Variants in SGMS1 observed in about 807,000 individuals in gnomAD.
The protein encoded by SGMS1 is sphingomyelin synthase 1.
SGMS1 carries 13 observed loss-of-function variants against 46.2 expected under a neutral mutation model. The observed-to-expected ratio is 0.28, with a 90% CI of 0.18 to 0.45. SGMS1 has a LOEUF of 0.45. Ranked by LOEUF, SGMS1 falls within the 20% of genes least tolerant of loss-of-function variation. SGMS1 has a pLI of 1.00. For missense variants in SGMS1, 324 were observed against 519.9 expected (o/e 0.62, Z 3.66); for synonymous variants, 203 against 187.8 (o/e 1.08, Z -0.66).
intron 6 of SGMS1, among the ~76,000 whole-genome samples, chr10:50,431,008 C>T (rs1010189973): frequency 1.3e-5 from 2 of 152,028 alleles, no homozygotes; most frequent in Non-Finnish European, 2.9e-5. Flanking sequence ...ATCTTCTATA[C>T]AAGGGATGTT....
intron 3 of SGMS1, among the ~76,000 whole-genome samples, chr10:50,499,981 A>G (rs2983370): frequency 0.16 from 24,117 of 152,250 alleles, 2,492 homozygotes; most frequent in Non-Finnish European, 0.23. Flanking sequence ...AGCCTGACCA[A>G]CATGGTGAAA....
chr10:50,311,522 T>C (rs58601331), intron 8 of SGMS1, 107 bp from the exon 9 acceptor site: 2 of 879,164 alleles, frequency 2.3e-6, no homozygotes, highest in African/African-American at 2.1e-5. Flanking sequence ...TTAAGAAACA[T>C]AAAATCCCCA....
At chr10:50,386,859 G>C (rs1331487946) in intron 6 of SGMS1, among the ~76,000 whole-genome samples, 6 of 152,168 alleles carry the variant, frequency 3.9e-5, no homozygotes, top group Non-Finnish European at 8.8e-5. Flanking sequence ...CGTACTGAAA[G>C]CCTACTATGA....
At chr10:50,535,367 C>T (rs1296343532) in intron 2 of SGMS1, among the ~76,000 whole-genome samples, 2 of 151,846 alleles carry the variant, frequency 1.3e-5, no homozygotes, top group African/African-American at 2.4e-5. Context: ...TTAAAGCAAG[C>T]TTATTTTTTT....
rs760688384 is a variant in SGMS1 at position 50,587,633 on chromosome 10, A to ATATGTGTGTGTGTGTGTG, written c.-589+2519_-589+2520insCACACACACACACACATA. On this transcript the variant is annotated intron_variant, in intron 2 of 10. Coordinates refer to ENST00000361781, the MANE Select transcript of SGMS1 (RefSeq NM_147156.4). ...AGCAAGACTGCATCTCAAAATATATATGTGTGTGTGTGTGTGTGTGTGTGT... is the reference window on the plus strand; with the variant it reads ...AGCAAGACTGCATCTCAAAATATATATATGTGTGTGTGTGTGTGTGTGTGTGTGTGTGTGTGTGTGTGT... Among the ~76,000 whole-genome samples the ATATGTGTGTGTGTGTGTG allele has an allele frequency of 6.4e-4, 88 of 138,252 alleles. 1 individual carries two copies. Among genetic ancestry groups the ATATGTGTGTGTGTGTGTG allele is most frequent in the South Asian group, 1.2e-3 (5 of 4,180 alleles). 90.7% of individuals were successfully genotyped at this position (138,252 alleles called of 152,430 possible).
At chr10:50,468,797 G>T (rs1474175664) in intron 3 of SGMS1, among the ~76,000 whole-genome samples, 8 of 152,168 alleles carry the variant, frequency 5.3e-5, no homozygotes, top group Admixed American at 3.9e-4. Context: ...TTGACAGGAA[G>T]AAAATAAAAT....
intron 8 of SGMS1, among the ~76,000 whole-genome samples, chr10:50,323,221 A>G (rs1443351765): frequency 1.3e-5 from 2 of 152,266 alleles, no homozygotes; most frequent in South Asian, 4.1e-4. Context: ...TCACTACTGT[A>G]TACTTGTTGA....
chr10:50,371,138 G>A (rs752503965), intron 6 of SGMS1, among the ~76,000 whole-genome samples: 6 of 152,232 alleles, frequency 3.9e-5, no homozygotes, highest in Non-Finnish European at 8.8e-5. Context: ...ACAAATGTGA[G>A]TAATGTGTTG....
chr10:50,344,608 G>A (rs1047567981), intron 6 of SGMS1, among the ~76,000 whole-genome samples: 2 of 152,302 alleles, frequency 1.3e-5, no homozygotes, highest in East Asian at 1.9e-4. Flanking sequence ...GGTGGCTCAC[G>A]CCTGTAATCC....
chr10:50,427,021 AC>A (rs1849334677), intron 6 of SGMS1, among the ~76,000 whole-genome samples: 1 of 152,240 alleles, frequency 6.6e-6, no homozygotes, highest in African/African-American at 2.4e-5. Context: ...ATCAAAGAAA[AC>A]AATAGAAATT....
intron 2 of SGMS1, among the ~76,000 whole-genome samples, chr10:50,568,281 C>T (rs1429572802): frequency 2.0e-5 from 3 of 152,088 alleles, no homozygotes; most frequent in African/African-American, 7.2e-5. Flanking sequence ...TCAAACAGAG[C>T]TTGAAAATAG....
At chr10:50,367,846 G>A (rs1848372095) in intron 6 of SGMS1, among the ~76,000 whole-genome samples, 1 of 152,156 alleles carries the variant, frequency 6.6e-6, no homozygotes, top group African/African-American at 2.4e-5. Flanking sequence ...TGGCTCCCTA[G>A]AGGATAATCC....
chr10:50,419,416 G>A (rs1176960044), intron 6 of SGMS1, among the ~76,000 whole-genome samples: 4 of 152,128 alleles, frequency 2.6e-5, no homozygotes, highest in African/African-American at 9.7e-5. Context: ...CATTTAAGTG[G>A]TGAGAAACTT....
chr10:50,620,078 G>A (rs1451449078), intron 1 of SGMS1, among the ~76,000 whole-genome samples: 4 of 152,216 alleles, frequency 2.6e-5, no homozygotes, highest in African/African-American at 9.6e-5. Context: ...ACCATTCAAT[G>A]CAGCTTTACT....
chr10:50,579,666 G>A (rs1302565797), intron 2 of SGMS1, among the ~76,000 whole-genome samples: 1 of 152,152 alleles, frequency 6.6e-6, no homozygotes, highest in Non-Finnish European at 1.5e-5. Context: ...AAACGTGAAT[G>A]TGACAGTCTC....
intron 2 of SGMS1, among the ~76,000 whole-genome samples, chr10:50,523,099 A>C (rs1185713519): frequency 6.6e-6 from 1 of 152,188 alleles, no homozygotes; most frequent in East Asian, 1.9e-4. Flanking sequence ...TCTTCTCTCA[A>C]GGATCACAGT....
chr10:50,466,398 T>A (rs928779094), intron 4 of SGMS1, among the ~76,000 whole-genome samples: 3 of 151,946 alleles, frequency 2.0e-5, no homozygotes, highest in African/African-American at 7.3e-5. Flanking sequence ...ACAGTAGAGA[T>A]CTTCAATGTT....
chr10:50,320,037 A>G (rs1320760833), intron 8 of SGMS1, among the ~76,000 whole-genome samples: 4 of 152,124 alleles, frequency 2.6e-5, no homozygotes, highest in Non-Finnish European at 5.9e-5. Flanking sequence ...ACTATATATT[A>G]GTTATTTAGA....
At chr10:50,513,263 G>A (rs1837773071) in intron 3 of SGMS1, among the ~76,000 whole-genome samples, 1 of 152,186 alleles carries the variant, frequency 6.6e-6, no homozygotes, top group Non-Finnish European at 1.5e-5. Flanking sequence ...GCAACCGCAA[G>A]ATGGTTTTCA....
Sources: allele counts gnomAD v4.1 joint callset (sites outside exome capture counted in the v4.1 genomes callset), GRCh38; gene constraint gnomAD v4.1.1; transcripts MANE v1.5; gene names NCBI Gene and HGNC (gene_info 2026-07-23, HGNC 2026-07-21).